DLG2: variants seen among roughly 807,000 people sequenced by gnomAD.
DLG2 encodes the protein discs large MAGUK scaffold protein 2.
In DLG2, 45 loss-of-function variants were observed where a neutral mutation model predicts 132.5. The observed-to-expected ratio is 0.34, with a 90% CI of 0.27 to 0.44. DLG2 has a LOEUF of 0.44. Among genes scored for constraint, DLG2 ranks in the 20% least tolerant of loss-of-function variants. DLG2 has a pLI of 1.00. For synonymous variants in DLG2, 424 were observed against 419.6 expected, an observed-to-expected ratio of 1.01 and a Z score of -0.13; for missense variants, 1,045 against 1,196.9, an observed-to-expected ratio of 0.87 and a Z score of 1.87.
At chr11:84,213,538 G>A (rs985479960) in intron 8 of DLG2, among the ~76,000 whole-genome samples, 4 of 152,136 alleles carry the variant, frequency 2.6e-5, no homozygotes, top group Admixed American at 2.0e-4. Flanking sequence ...GTATGTAAGA[G>A]GCCAGGCGCG....
chr11:84,378,362 A>C (rs2098737267), intron 7 of DLG2, among the ~76,000 whole-genome samples: 1 of 152,150 alleles, frequency 6.6e-6, no homozygotes, highest in Non-Finnish European at 1.5e-5. Context: ...CCTCACCAGC[A>C]ACCTAATTTG....
intron 3 of DLG2, among the ~76,000 whole-genome samples, chr11:85,343,208 CT>C (rs1278331039): frequency 6.6e-6 from 1 of 152,116 alleles, no homozygotes; most frequent in African/African-American, 2.4e-5. Context: ...CCATTGTGTT[CT>C]TTTAACCCAA....
chr11:84,803,242 TTA>T (rs1187939977), intron 6 of DLG2, among the ~76,000 whole-genome samples: 1 of 152,228 alleles, frequency 6.6e-6, no homozygotes, highest in East Asian at 1.9e-4. Flanking sequence ...GATCTTATTT[TTA>T]ACAGTAACCA....
chr11:83,829,201 T>G lies in DLG2; in HGVS notation c.1722+4413A>C, dbSNP rs904093152. On this transcript the variant is annotated intron_variant, in intron 17 of 27. Transcript: ENST00000376104. ...TATGTATTGAATTTTATTTAGCTTTTTTTTTTTTTTTTTTTGACAGAGTCT... is the reference window on the plus strand; with the variant it reads ...TATGTATTGAATTTTATTTAGCTTTGTTTTTTTTTTTTTTTGACAGAGTCT... Among the ~76,000 whole-genome samples the G allele has an allele frequency of 2.3e-3, 211 of 92,296 alleles. 1 individual carries two copies. Among genetic ancestry groups the G allele is most frequent in the African/African-American group, 0.014 (201 of 14,046 alleles). The allele number at this position is 92,296 out of a possible 152,430, so 60.5% of individuals were successfully genotyped here.
intron 7 of DLG2, among the ~76,000 whole-genome samples, chr11:84,368,575 T>C (rs1465538935): frequency 6.6e-6 from 1 of 152,116 alleles, no homozygotes; most frequent in Non-Finnish European, 1.5e-5. Context: ...TGTTAACATG[T>C]GGTCTAAGTT....
chr11:84,632,606 C>T (rs2099633937), intron 6 of DLG2, among the ~76,000 whole-genome samples: 1 of 152,136 alleles, frequency 6.6e-6, no homozygotes, highest in South Asian at 2.1e-4. Context: ...TTGAAGAGTT[C>T]CAACTTCCAC....
At chr11:84,586,117 C>A (rs1485601468) in intron 6 of DLG2, among the ~76,000 whole-genome samples, 1 of 139,968 alleles carries the variant, frequency 7.1e-6, no homozygotes, top group Non-Finnish European at 1.5e-5. Context: ...TGCCACTGCA[C>A]TGCAGCCGGG....
At chr11:85,484,106 G>T (rs1399631502) in intron 3 of DLG2, among the ~76,000 whole-genome samples, 1 of 151,974 alleles carries the variant, frequency 6.6e-6, no homozygotes, top group African/African-American at 2.4e-5. Flanking sequence ...TTTGAAGAGA[G>T]AGTACAAGAG....
chr11:83,863,639 A>G lies in DLG2; in HGVS notation c.1565+10781T>C, dbSNP rs2061808606. ...TGTTTGTTAAGTAGTATGGTAGGCC[A>G]TTTATAGACTTAAAAAAATAAACTG... is the stretch of plus-strand genomic sequence containing the variant. On this transcript the variant is annotated intron_variant, in intron 16 of 27. Transcript: ENST00000376104. Among the ~76,000 whole-genome samples, 5 of 151,188 alleles carry G rather than the reference A, an allele frequency of 3.3e-5. No homozygotes were observed. In the South Asian group the frequency reaches 1.0e-3, roughly 31 times the overall value.
At chr11:83,512,181 G>A (rs1216486041) in intron 21 of DLG2, among the ~76,000 whole-genome samples, 2 of 152,138 alleles carry the variant, frequency 1.3e-5, no homozygotes, top group Non-Finnish European at 2.9e-5. Flanking sequence ...GGAAAGGCCT[G>A]CCCAATGGGG....
chr11:83,478,671 G>T (rs1037996861), intron 22 of DLG2, among the ~76,000 whole-genome samples: 10 of 151,982 alleles, frequency 6.6e-5, no homozygotes, highest in Non-Finnish European at 1.3e-4. Context: ...GGTAGTTCTT[G>T]TATAGTATAT....
At chr11:85,565,371 A>G (rs904030977) in intron 3 of DLG2, among the ~76,000 whole-genome samples, 5 of 152,050 alleles carry the variant, frequency 3.3e-5, no homozygotes, top group Non-Finnish European at 7.4e-5. Context: ...ATAAAATGAA[A>G]TTCATCACTG....
chr11:85,284,405 T>C (rs1347629341), intron 4 of DLG2, among the ~76,000 whole-genome samples: 1 of 151,800 alleles, frequency 6.6e-6, no homozygotes, highest in African/African-American at 2.4e-5. Context: ...GCAATCAACA[T>C]GCTATTGATT....
intron 15 of DLG2, among the ~76,000 whole-genome samples, chr11:83,878,605 C>G (rs764268863): frequency 2.6e-5 from 4 of 152,120 alleles, no homozygotes; most frequent in African/African-American, 7.2e-5. Context: ...TCAACTTCCA[C>G]GTCAGTGACT....
At chr11:85,432,253 C>T (rs948734222) in intron 3 of DLG2, among the ~76,000 whole-genome samples, 1 of 152,142 alleles carries the variant, frequency 6.6e-6, no homozygotes, top group Non-Finnish European at 1.5e-5. Flanking sequence ...CCCAAAAGCT[C>T]AGAGTGCCTC....
intron 6 of DLG2, among the ~76,000 whole-genome samples, chr11:84,581,858 G>C (rs1011645685): frequency 2.0e-4 from 27 of 137,620 alleles, no homozygotes; most frequent in African/African-American, 7.3e-4. Flanking sequence ...AGTCAGCCGA[G>C]ATTGCCTCAT....
intron 6 of DLG2, among the ~76,000 whole-genome samples, chr11:84,756,176 T>A (rs2066851916): frequency 6.6e-6 from 1 of 152,234 alleles, no homozygotes; most frequent in Non-Finnish European, 1.5e-5. Flanking sequence ...GTAATAATTA[T>A]AATTAAAGAA....
chr11:84,264,175 C>G (rs1252122732), intron 7 of DLG2, among the ~76,000 whole-genome samples: 2 of 152,056 alleles, frequency 1.3e-5, no homozygotes, highest in African/African-American at 4.8e-5. Flanking sequence ...TTGCTGATGC[C>G]AAAGAATATA....
rs527723914 is a variant in DLG2 at position 83,856,168 on chromosome 11, C to CT, written c.1565+18251dup. ...ATATTCTTGCAAAGGACATAATCTC[C>CT]TTTTTTTTATGTCTGCATATAATTC... On this transcript the variant is annotated intron_variant, in intron 16 of 27. Transcript: ENST00000376104. 5.9e-3 allele frequency among the ~76,000 whole-genome samples: 904 copies of CT among 152,066 alleles called. 10 individuals are homozygous for CT. Among genetic ancestry groups the CT allele is most frequent in the African/African-American group, 0.021 (866 of 41,474 alleles).
Sources: gnomAD v4.1 joint callset for allele counts (sites outside exome capture counted in the v4.1 genomes callset) on GRCh38, gnomAD v4.1.1 for gene constraint, MANE v1.5 for transcripts, NCBI Gene and HGNC (gene_info 2026-07-23, HGNC 2026-07-21) for gene names.